Variants in MALRD1 observed in about 807,000 individuals in gnomAD.
MALRD1 encodes the protein MAM and LDL-receptor class A domain-containing protein 1.
MALRD1 carries 247 observed loss-of-function variants against 242.1 expected under a neutral mutation model. The observed-to-expected ratio is 1.02, with a 90% confidence interval of 0.92 to 1.13. The LOEUF (loss-of-function observed/expected upper bound fraction) is 1.13. Among genes scored for constraint, MALRD1 ranks in the 50% most tolerant of loss-of-function variants. The pLI, the probability that MALRD1 is intolerant of heterozygous loss-of-function variation, is 0.00. For missense variants in MALRD1, 2,989 were observed against 2,533.1 expected, an observed-to-expected ratio of 1.18 and a Z score of -3.86; for synonymous variants, 995 against 866.6, an observed-to-expected ratio of 1.15 and a Z score of -2.60.
intron 21 of MALRD1, among the ~76,000 whole-genome samples, chr10:19,310,894 C>T (rs376179791): frequency 2.2e-4 from 33 of 151,412 alleles, no homozygotes; most frequent in East Asian, 9.7e-4. Context: ...AGTATTAATT[C>T]ACTTAACTCC....
At chr10:19,299,434 C>T (rs1461281012) in intron 21 of MALRD1, among the ~76,000 whole-genome samples, 3 of 151,764 alleles carry the variant, frequency 2.0e-5, no homozygotes, top group African/African-American at 4.8e-5. Context: ...GACAAAGAAG[C>T]GCATTAGATA....
rs1303607214 is a variant in MALRD1, at chr10:19,435,789, G to A, written c.4846-14518G>A. On this transcript the variant is annotated intron_variant, in intron 28 of 39. Transcript: ENST00000454679. ...GTGCTTTTCAGAAGAAATCCACTGT[G>A]TGCAGCCCACGCTCAAGGAGTGAGA... Among the ~76,000 whole-genome samples, 3 of 152,136 alleles carry A rather than the reference G, an allele frequency of 2.0e-5. No individual in the cohort carries two copies. In the South Asian group the frequency reaches 6.2e-4, roughly 32 times the overall value.
chr10:19,730,923 T>C (rs1319953815), intron 39 of MALRD1, 142 bp downstream of exon 39: 9 of 783,754 alleles, frequency 1.1e-5, no homozygotes, highest in Admixed American at 5.7e-5. Context: ...GTTATTTCAA[T>C]TGGGGATAGA....
intron 24 of MALRD1, among the ~76,000 whole-genome samples, chr10:19,333,889 G>C (rs892669752): frequency 1.8e-4 from 27 of 152,062 alleles, no homozygotes; most frequent in African/African-American, 5.8e-4. Flanking sequence ...GCATTTCTCT[G>C]ATGATTAGTG....
chr10:19,662,788 G>C (rs1841503405), intron 36 of MALRD1, among the ~76,000 whole-genome samples: 1 of 152,090 alleles, frequency 6.6e-6, no homozygotes, highest in Admixed American at 6.6e-5. Context: ...AACAAAAGCA[G>C]TAAGAGCAAG....
intron 1 of MALRD1, among the ~76,000 whole-genome samples, chr10:19,059,849 A>T (rs910516287): frequency 5.9e-5 from 9 of 151,972 alleles, no homozygotes; most frequent in African/African-American, 2.2e-4. Flanking sequence ...TTTCTTTCTC[A>T]TTTCTATGTT....
intron 18 of MALRD1, among the ~76,000 whole-genome samples, chr10:19,255,121 G>T (rs1564506021): frequency 6.6e-6 from 1 of 151,962 alleles, no homozygotes; most frequent in Non-Finnish European, 1.5e-5. Context: ...CAGCTTGGAT[G>T]AGCTGGTTTA....
chr10:19,210,539 T>C (rs1381091244), intron 18 of MALRD1, among the ~76,000 whole-genome samples: 1 of 152,204 alleles, frequency 6.6e-6, no homozygotes, highest in African/African-American at 2.4e-5. Flanking sequence ...AATCTACACA[T>C]AATATACTGG....
intron 2 of MALRD1, among the ~76,000 whole-genome samples, chr10:19,076,091 C>A (rs1835308243): frequency 6.6e-6 from 1 of 151,892 alleles, no homozygotes; most frequent in African/African-American, 2.4e-5. Context: ...GTTCCAGTTC[C>A]TCCAGTTTTT....
At chr10:19,611,705 C>G (rs1838906773) in intron 35 of MALRD1, among the ~76,000 whole-genome samples, 1 of 151,992 alleles carries the variant, frequency 6.6e-6, no homozygotes, top group South Asian at 2.1e-4. Flanking sequence ...ATATCCGTCT[C>G]CTTCCCCATT....
At chr10:19,342,929 G>A (rs974978095) in intron 24 of MALRD1, among the ~76,000 whole-genome samples, 1 of 152,042 alleles carries the variant, frequency 6.6e-6, no homozygotes, top group Non-Finnish European at 1.5e-5. Flanking sequence ...AATTATATAT[G>A]AAGGACCTCT....
At chr10:19,315,880 A>C (rs1184350550) in intron 21 of MALRD1, among the ~76,000 whole-genome samples, 1 of 148,174 alleles carries the variant, frequency 6.7e-6, no homozygotes, top group Non-Finnish European at 1.5e-5. Context: ...AAATAGTTAT[A>C]TTATTTTACT....
In MALRD1 at chr10:19,204,903, A is replaced by T. The variant is rs1258736403; in HGVS notation, c.2216A>T (p.Tyr739Phe). The part of the protein sequence containing the change: ...GPGCILSFWF[Y>F]NYGLSVGAAE... ...TTACGTTTACTCTTTTTTAGGTTCT[A>T]TAACTATGGCCTGTCAGTGGGAGCA... is the stretch of plus-strand genomic sequence containing the variant. The change falls in exon 17 of 40, where the codon TAT (tyrosine) becomes TTT (phenylalanine). Residue 739 changes from tyrosine to phenylalanine, a missense_variant. Coordinates refer to ENST00000454679, the MANE Select transcript of MALRD1 (RefSeq NM_001142308.3). 7 of 1,544,190 alleles carry T rather than the reference A, an allele frequency of 4.5e-6. No individual in the cohort carries two copies. Among genetic ancestry groups the T allele is most frequent in the Middle Eastern group, 1.7e-4 (1 of 5,966 alleles).
intron 32 of MALRD1, among the ~76,000 whole-genome samples, chr10:19,540,442 A>G (rs1834913416): frequency 6.6e-6 from 1 of 152,184 alleles, no homozygotes; most frequent in African/African-American, 2.4e-5. Context: ...ACAACCCATA[A>G]TAAGATAACA....
At chr10:19,079,990 C>T (rs1835432709) in intron 2 of MALRD1, among the ~76,000 whole-genome samples, 1 of 151,814 alleles carries the variant, frequency 6.6e-6, no homozygotes, top group Non-Finnish European at 1.5e-5. Flanking sequence ...AAGTAGAGAA[C>T]CAAATTATGA....
chr10:19,567,759 A>G (rs556767072), intron 33 of MALRD1, 56 bp downstream of exon 33: 1 of 1,425,454 alleles, frequency 7.0e-7, no homozygotes, highest in African/African-American at 1.4e-5. Flanking sequence ...ATCTAAATAT[A>G]CTAAAGATTT....
intron 29 of MALRD1, chr10:19,489,522 TAAG>T: frequency 3.5e-6 from 2 of 573,680 alleles, no homozygotes; most frequent in Admixed American, 2.4e-5. Flanking sequence ...GAAACATTTT[TAAG>T]AAGGAGGGAA....
At chr10:19,446,073 G>A (rs954559694) in intron 28 of MALRD1, among the ~76,000 whole-genome samples, 4 of 152,136 alleles carry the variant, frequency 2.6e-5, no homozygotes, top group Admixed American at 1.3e-4. Flanking sequence ...TGTGGGCGTG[G>A]GACCCTCCGA....
At chr10:19,072,286 G>A (rs1590388994) in intron 2 of MALRD1, among the ~76,000 whole-genome samples, 1 of 151,990 alleles carries the variant, frequency 6.6e-6, no homozygotes, top group Admixed American at 6.6e-5. Flanking sequence ...GGGCCATATG[G>A]TCCATGTCCC....
Sources: allele counts gnomAD v4.1 joint callset (sites outside exome capture counted in the v4.1 genomes callset), GRCh38; gene constraint gnomAD v4.1.1; transcripts MANE v1.5; gene names NCBI Gene and HGNC (gene_info 2026-07-23, HGNC 2026-07-21).